The following SGCD variants were observed in gnomAD, a reference collection of about 807,000 sequenced individuals.
SGCD encodes the protein delta-sarcoglycan.
Under a neutral mutation model 36.6 loss-of-function variants are expected in SGCD, and 18 were observed. The ratio of observed to expected loss-of-function variants is 0.49; its 90% CI spans 0.34 to 0.73. The LOEUF (loss-of-function observed/expected upper bound fraction) is 0.73, where lower values mean the gene tolerates loss of function less well. Among genes scored for constraint, SGCD ranks in the 30% least tolerant of loss-of-function variants. SGCD has a pLI of 0.01. For synonymous variants in SGCD, 133 were observed against 130.6 expected (o/e 1.02, Z -0.12); for missense variants, 387 against 346.7 (o/e 1.12, Z -0.92).
the SGCD span, among the ~76,000 whole-genome samples, chr5:155,821,031 A>T: frequency 4.1e-4 from 63 of 152,272 alleles, no homozygotes; most frequent in Admixed American, 6.5e-4. Context: ...CACAGAGAGT[A>T]CTCAATAAAT....
intron 3 of SGCD, among the ~76,000 whole-genome samples, chr5:156,241,913 G>T (rs1448588524): frequency 1.1e-4 from 16 of 152,138 alleles, no homozygotes; most frequent in African/African-American, 3.1e-4. Flanking sequence ...CATGCTTGGG[G>T]TTGGGAGAGA....
intron 7 of SGCD, among the ~76,000 whole-genome samples, chr5:156,715,973 C>T (rs1485088547): frequency 1.3e-5 from 2 of 152,148 alleles, no homozygotes; most frequent in Non-Finnish European, 2.9e-5. Context: ...TCTTAAATGT[C>T]TTTGCATGGT....
At chr5:156,010,952 T>C (rs986356650) in intron 1 of SGCD, among the ~76,000 whole-genome samples, 6 of 152,210 alleles carry the variant, frequency 3.9e-5, no homozygotes, top group African/African-American at 1.2e-4. Flanking sequence ...CATAACTTCA[T>C]TATGCTCTGT....
the SGCD span, among the ~76,000 whole-genome samples, chr5:155,799,819 T>C: frequency 4.8e-4 from 66 of 136,942 alleles, no homozygotes; most frequent in East Asian, 1.7e-3. Context: ...CCCCTTTTTT[T>C]TTTTTTTTTT....
chr5:156,559,993 T>A (rs450151), intron 4 of SGCD, among the ~76,000 whole-genome samples: 89,144 of 152,038 alleles, frequency 0.59, 26,743 homozygotes, highest in African/African-American at 0.71. Context: ...GGACAATGTC[T>A]GAAGTTTCCA....
At chr5:155,847,129 G>A in the SGCD span, among the ~76,000 whole-genome samples, 1 of 152,188 alleles carries the variant, frequency 6.6e-6, no homozygotes, top group Non-Finnish European at 1.5e-5. Flanking sequence ...TGCTCTGTTT[G>A]TGTATGCACA....
intron 1 of SGCD, among the ~76,000 whole-genome samples, chr5:155,889,267 T>TA (rs1347025846): frequency 2.0e-5 from 3 of 152,112 alleles, no homozygotes; most frequent in Admixed American, 1.3e-4. Flanking sequence ...ATGATAGATT[T>TA]AAAAAAAATT....
At chr5:156,451,159 G>A (rs1753992543) in intron 3 of SGCD, among the ~76,000 whole-genome samples, 1 of 142,554 alleles carries the variant, frequency 7.0e-6, no homozygotes, top group African/African-American at 2.6e-5. Context: ...TGATGGGTTT[G>A]ATTAGTAGAT....
intron 6 of SGCD, among the ~76,000 whole-genome samples, chr5:156,607,789 C>G (rs376376896): frequency 6.6e-6 from 1 of 152,146 alleles, no homozygotes; most frequent in East Asian, 1.9e-4. Flanking sequence ...TGTATGTGTC[C>G]AGGAATTTAT....
intron 3 of SGCD, among the ~76,000 whole-genome samples, chr5:156,502,079 C>A (rs1407447690): frequency 6.8e-6 from 1 of 146,674 alleles, no homozygotes; most frequent in African/African-American, 2.5e-5. Flanking sequence ...CGGAGTCTTG[C>A]TCTGTTGCCC....
At chr5:155,850,094 T>C in the SGCD span, among the ~76,000 whole-genome samples, 3 of 138,716 alleles carry the variant, frequency 2.2e-5, no homozygotes, top group Admixed American at 2.1e-4. Flanking sequence ...CTCATCCTAA[T>C]TGATTAAGTA....
chr5:156,025,114 G>C (rs1581048431), intron 1 of SGCD, among the ~76,000 whole-genome samples: 2 of 152,136 alleles, frequency 1.3e-5, no homozygotes, highest in African/African-American at 4.8e-5. Flanking sequence ...AAGTCCAATG[G>C]TAGTGGGAGG....
intron 3 of SGCD, among the ~76,000 whole-genome samples, chr5:156,463,529 GT>G (rs564519206): frequency 1.3e-5 from 2 of 152,128 alleles, no homozygotes; most frequent in African/African-American, 4.8e-5. Flanking sequence ...AAGAGGGAAT[GT>G]TTTTTGTTGA....
intron 6 of SGCD, among the ~76,000 whole-genome samples, chr5:156,604,204 A>G (rs1253714097): frequency 1.3e-5 from 2 of 151,930 alleles, no homozygotes; most frequent in Non-Finnish European, 2.9e-5. Flanking sequence ...TTATATAAGT[A>G]TGGCTACTCC....
chr5:156,061,521 G>A lies in SGCD; in HGVS notation c.-281-56357G>A, dbSNP rs186009434. On this transcript the variant is annotated intron_variant, in intron 1 of 9. Coordinates refer to the SGCD transcript ENST00000517913. ...CTTGGGTTTCTTCCTTAAAGGATGGGAGGAAAATATTTAAAAACAAACCCA... is the reference window on the plus strand; with the variant it reads ...CTTGGGTTTCTTCCTTAAAGGATGGAAGGAAAATATTTAAAAACAAACCCA... Among the ~76,000 whole-genome samples, 46 of 146,110 alleles carry A rather than the reference G, an allele frequency of 3.1e-4. 4 individuals are homozygous for A. The highest frequency in any genetic ancestry group is 1.1e-3 in the African/African-American group (45 of 40,754).
the SGCD span, among the ~76,000 whole-genome samples, chr5:155,765,480 G>A: frequency 6.8e-6 from 1 of 146,436 alleles, no homozygotes; most frequent in Non-Finnish European, 1.5e-5. Context: ...AAGGAATGAA[G>A]ACTTATGAAT....
rs1236083472 is a variant in SGCD, at chr5:156,766,630, A to T, written c.*7240A>T. 1.3e-5 allele frequency: 2 copies of T among 149,100 alleles called. No individual in the cohort carries two copies. The highest frequency in any genetic ancestry group is 5.0e-5 in the African/African-American group (2 of 40,296). The allele number at this position is 149,100 out of a possible 1,614,324, so 9.2% of individuals were successfully genotyped here. A position where few individuals can be genotyped will look rare whatever the true frequency, so the allele number is the denominator to read the frequency against. ...TGGTGTTTCAACTAGGAAGGGAGAAAATGAGTGCATCTGAAGTTCCTTACA... is the reference window on the plus strand; with the variant it reads ...TGGTGTTTCAACTAGGAAGGGAGAATATGAGTGCATCTGAAGTTCCTTACA... On this transcript the variant is annotated 3_prime_UTR_variant, in exon 9 of 9. Coordinates refer to ENST00000337851, the MANE Select transcript of SGCD (RefSeq NM_000337.6).
At chr5:156,586,279 G>C (rs1297231322) in intron 4 of SGCD, among the ~76,000 whole-genome samples, 1 of 151,964 alleles carries the variant, frequency 6.6e-6, no homozygotes, top group Non-Finnish European at 1.5e-5. Flanking sequence ...GTTTAGATGG[G>C]GATTATGGAT....
At position 156,140,475 on chromosome 5, in the gene SGCD, A is replaced by G. The variant is rs149833803; in HGVS notation, c.-44+16456A>G. Among the ~76,000 whole-genome samples, 4 of 152,266 alleles carry G rather than the reference A, an allele frequency of 2.6e-5. No individual in the cohort carries two copies. The East Asian group carries it at 7.7e-4, about 29-fold the overall frequency. ...GTGAGGAATATCTTATTGGAAACAG[A>G]AGAAAAGGACATCCTTCTTATACAC... On this transcript the variant is annotated intron_variant, in intron 3 of 9. Coordinates refer to the SGCD transcript ENST00000517913.
Sources: allele counts gnomAD v4.1 joint callset (sites outside exome capture counted in the v4.1 genomes callset), GRCh38; gene constraint gnomAD v4.1.1; transcripts MANE v1.5; gene names NCBI Gene and HGNC (gene_info 2026-07-23, HGNC 2026-07-21).